PHF24: variants seen among roughly 807,000 people sequenced by gnomAD.
PHF24 encodes the protein PHD finger protein 24, also known as Galpha inhibitory interacting protein.
In PHF24, 25 loss-of-function variants were observed where a neutral mutation model predicts 42.6. That is an observed-to-expected ratio of 0.59 (90% CI 0.43 to 0.82). The LOEUF is 0.82. Among genes scored for constraint, PHF24 ranks in the 40% least tolerant of loss-of-function variants. PHF24 has a pLI of 0.00. For synonymous variants in PHF24, 185 were observed against 204.8 expected (o/e 0.90, Z 0.83); for missense variants, 470 against 538.1 (o/e 0.87, Z 1.25).
chr9:34,806,865 T>A, the PHF24 span, among the ~76,000 whole-genome samples: 1 of 152,234 alleles, frequency 6.6e-6, no homozygotes, highest in Non-Finnish European at 1.5e-5. Context: ...TTCAAGTACA[T>A]GGAAATAAAA....
chr9:34,821,613 G>A, the PHF24 span, among the ~76,000 whole-genome samples: 1 of 152,152 alleles, frequency 6.6e-6, no homozygotes, highest in African/African-American at 2.4e-5. Context: ...CCTCCATCAG[G>A]CTCTCTAACG....
chr9:34,709,257 A>G, the PHF24 span: 1 of 1,063,756 alleles, frequency 9.4e-7, no homozygotes, highest in Non-Finnish European at 1.4e-6. Context: ...TTAAAGCAGG[A>G]GAAAGAGTGT....
chr9:34,810,589 A>G, the PHF24 span, among the ~76,000 whole-genome samples: 14 of 152,246 alleles, frequency 9.2e-5, no homozygotes, highest in East Asian at 2.7e-3. Flanking sequence ...AGGACCTGAG[A>G]CTGTGCCCTA....
chr9:34,958,224 GCGCGCCGCC>G (rs1261522358), upstream of PHF24: 49 of 133,686 alleles, frequency 3.7e-4, no homozygotes, highest in Non-Finnish European at 5.4e-4. The surrounding 1 kb of genome is among the most constrained non-coding windows in gnomAD (Gnocchi z 4.5). Context: ...CTCCGGCCGC[GCGCGCCGCC>G]GCCGCCGCCG....
the PHF24 span, chr9:34,709,562 G>A: frequency 6.2e-7 from 1 of 1,614,178 alleles, no homozygotes; most frequent in East Asian, 2.2e-5. Context: ...TGTCCTTCCT[G>A]CAGCCCTGGG....
the PHF24 span, among the ~76,000 whole-genome samples, chr9:34,740,230 C>T: frequency 5.9e-5 from 9 of 152,336 alleles, no homozygotes; most frequent in East Asian, 1.2e-3. Flanking sequence ...CCCGGCCGTG[C>T]GCCCGCACTC....
chr9:34,835,661 G>A, the PHF24 span: 1 of 1,551,398 alleles, frequency 6.4e-7, no homozygotes, highest in Non-Finnish European at 8.7e-7. Context: ...GGGCCCCGGA[G>A]CACAGCTGGC....
At chr9:34,690,073 G>C in the PHF24 span, 1 of 1,598,726 alleles carries the variant, frequency 6.3e-7, no homozygotes, top group Non-Finnish European at 8.6e-7. Context: ...AGCATGCCTG[G>C]GGACCATGTC....
At chr9:34,763,176 T>C in the PHF24 span, among the ~76,000 whole-genome samples, 2 of 152,222 alleles carry the variant, frequency 1.3e-5, no homozygotes, top group Non-Finnish European at 2.9e-5. Flanking sequence ...GACTTGGTGA[T>C]GCGGGCTCTT....
chr9:34,855,032 C>T, the PHF24 span, among the ~76,000 whole-genome samples: 1 of 152,028 alleles, frequency 6.6e-6, no homozygotes, highest in African/African-American at 2.4e-5. Context: ...TATGTAATAC[C>T]CTTCTTTGGC....
the PHF24 span, among the ~76,000 whole-genome samples, chr9:34,666,953 CAAAA>C: frequency 6.6e-6 from 1 of 152,100 alleles, no homozygotes; most frequent in Non-Finnish European, 1.5e-5. Flanking sequence ...TCAAACAAAA[CAAAA>C]CAAAACAACC....
chr9:34,799,136 C>T, the PHF24 span, among the ~76,000 whole-genome samples: 4 of 151,952 alleles, frequency 2.6e-5, no homozygotes, highest in Non-Finnish European at 5.9e-5. Context: ...AAAAAAAAGC[C>T]TTTCCAATAG....
At chr9:34,710,114 G>T in the PHF24 span, 1 of 1,550,066 alleles carries the variant, frequency 6.5e-7, no homozygotes, top group Non-Finnish European at 8.9e-7. Flanking sequence ...GGTGAGGTGG[G>T]CAGCTGCAAG....
chr9:34,777,387 A>G, the PHF24 span, among the ~76,000 whole-genome samples: 1 of 152,088 alleles, frequency 6.6e-6, no homozygotes, highest in Non-Finnish European at 1.5e-5. Flanking sequence ...GCCCACAGGT[A>G]GCCTGGGAGG....
the PHF24 span, chr9:34,723,045 A>C: frequency 1.4e-6 from 1 of 735,166 alleles, no homozygotes; most frequent in Non-Finnish European, 2.1e-6. Flanking sequence ...GAGCAGACAG[A>C]CAATGTATTG....
chr9:34,901,590 A>T, the PHF24 span, among the ~76,000 whole-genome samples: 1 of 152,208 alleles, frequency 6.6e-6, no homozygotes, highest in African/African-American at 2.4e-5. Flanking sequence ...GATTCCAACA[A>T]ACAAATTATA....
chr9:34,713,217 C>T, the PHF24 span, among the ~76,000 whole-genome samples: 10 of 152,266 alleles, frequency 6.6e-5, no homozygotes, highest in South Asian at 6.2e-4. Flanking sequence ...CTTCCTTCCC[C>T]GCAAAAAGAT....
the PHF24 span, among the ~76,000 whole-genome samples, chr9:34,943,560 T>A: frequency 2.0e-5 from 3 of 152,320 alleles, no homozygotes; most frequent in African/African-American, 7.2e-5. Context: ...TCAGACTGTG[T>A]ATCCAGTAGT....
At chr9:34,936,640 C>A in the PHF24 span, among the ~76,000 whole-genome samples, 1 of 151,772 alleles carries the variant, frequency 6.6e-6, no homozygotes, top group African/African-American at 2.4e-5. Flanking sequence ...CTCTTCCCGG[C>A]CGCCATCCCA....
Sources: allele counts gnomAD v4.1 joint callset (sites outside exome capture counted in the v4.1 genomes callset), GRCh38; gene constraint gnomAD v4.1.1; non-coding constraint Gnocchi (gnomAD v3.1); transcripts MANE v1.5; gene names NCBI Gene and HGNC (gene_info 2026-07-23, HGNC 2026-07-21).